Variants in C1QTNF3 observed in about 807,000 individuals in gnomAD.
C1QTNF3 encodes the protein C1q and TNF related 3.
In C1QTNF3, 26 loss-of-function variants were observed where a neutral mutation model predicts 32.6. The observed-to-expected ratio is 0.80, with a 90% CI of 0.58 to 1.11. The LOEUF is 1.11. Among genes scored for constraint, C1QTNF3 ranks in the 50% least tolerant of loss-of-function variants. The pLI is 0.00. For missense variants in C1QTNF3, 362 were observed against 398.2 expected (o/e 0.91, Z 0.77); for synonymous variants, 155 against 146.0 (o/e 1.06, Z -0.44).
chr5:34,089,483 C>T, the C1QTNF3 span, among the ~76,000 whole-genome samples: 2 of 152,160 alleles, frequency 1.3e-5, no homozygotes, highest in Admixed American at 6.5e-5. Context: ...CTGCCCCTTG[C>T]ATCATGGGTT....
At chr5:34,166,688 T>G in the C1QTNF3 span, 2 of 152,316 alleles carry the variant, frequency 1.3e-5, no homozygotes, top group Non-Finnish European at 2.9e-5. Flanking sequence ...GATTCCCATA[T>G]TTCCATCTAC....
the C1QTNF3 span, among the ~76,000 whole-genome samples, chr5:34,123,766 C>T: frequency 1.3e-5 from 2 of 152,048 alleles, no homozygotes; most frequent in Non-Finnish European, 2.9e-5. Flanking sequence ...ATACTAAACA[C>T]TTGTCTCCTT....
the C1QTNF3 span, among the ~76,000 whole-genome samples, chr5:34,174,190 T>C: frequency 6.6e-6 from 1 of 152,214 alleles, no homozygotes; most frequent in Non-Finnish European, 1.5e-5. Context: ...CCTGAGTAAC[T>C]GGGACTACAG....
chr5:34,187,532 A>G, the C1QTNF3 span, among the ~76,000 whole-genome samples: 2 of 152,344 alleles, frequency 1.3e-5, no homozygotes, highest in African/African-American at 4.8e-5. Flanking sequence ...AGGTGGTCTC[A>G]GAGGGAGATG....
the C1QTNF3 span, among the ~76,000 whole-genome samples, chr5:34,231,625 A>G: frequency 3.3e-5 from 5 of 152,322 alleles, no homozygotes; most frequent in African/African-American, 9.6e-5. Context: ...GCTTCAGAGA[A>G]TACAAGCCTC....
the C1QTNF3 span, among the ~76,000 whole-genome samples, chr5:34,104,796 CA>C: frequency 6.7e-6 from 1 of 148,874 alleles, no homozygotes; most frequent in African/African-American, 2.5e-5. Context: ...CTCTGCCTCC[CA>C]AAGTGCTGGG....
At chr5:34,028,304 C>T (rs571893822) in intron 4 of C1QTNF3, among the ~76,000 whole-genome samples, 1 of 152,068 alleles carries the variant, frequency 6.6e-6, no homozygotes, top group Non-Finnish European at 1.5e-5. Flanking sequence ...GTATTACCTG[C>T]TCAATTTCTT....
At chr5:34,174,438 T>C in the C1QTNF3 span, among the ~76,000 whole-genome samples, 2 of 152,110 alleles carry the variant, frequency 1.3e-5, no homozygotes, top group South Asian at 4.2e-4. Flanking sequence ...CCATTCATCC[T>C]AGGTGCCACG....
chr5:34,213,694 GTA>G, the C1QTNF3 span, among the ~76,000 whole-genome samples: 5 of 135,860 alleles, frequency 3.7e-5, no homozygotes, highest in Admixed American at 8.0e-5. Context: ...TTGTGTGTGT[GTA>G]TATATATATG....
At chr5:34,092,003 G>A in the C1QTNF3 span, among the ~76,000 whole-genome samples, 1 of 151,314 alleles carries the variant, frequency 6.6e-6, no homozygotes, top group African/African-American at 2.4e-5. Flanking sequence ...ATAGGTGATC[G>A]ATAGCCTAAT....
intron 4 of C1QTNF3, among the ~76,000 whole-genome samples, chr5:34,025,530 T>G (rs1313804855): frequency 6.6e-6 from 1 of 152,246 alleles, no homozygotes. Context: ...ACATTTGCAC[T>G]ACGGTTTGGA....
the C1QTNF3 span, among the ~76,000 whole-genome samples, chr5:34,061,141 G>T: frequency 2.0e-5 from 3 of 152,208 alleles, no homozygotes; most frequent in Admixed American, 1.3e-4. Flanking sequence ...CCAAAATCTA[G>T]CAGGGCAGTC....
the C1QTNF3 span, among the ~76,000 whole-genome samples, chr5:34,050,035 C>T: frequency 6.6e-6 from 1 of 152,188 alleles, no homozygotes; most frequent in Non-Finnish European, 1.5e-5. Context: ...AAATAAACAT[C>T]TCAGGAGAGT....
the C1QTNF3 span, among the ~76,000 whole-genome samples, chr5:34,164,248 A>G: frequency 1.3e-5 from 2 of 152,190 alleles, no homozygotes; most frequent in Admixed American, 6.5e-5. Flanking sequence ...TGAAATGGTT[A>G]GGAAGCAGAC....
At chr5:34,203,546 C>T in the C1QTNF3 span, among the ~76,000 whole-genome samples, 814 of 151,532 alleles carry the variant, frequency 5.4e-3, 5 homozygotes, top group Middle Eastern at 0.01. Flanking sequence ...ATTAGCCAGG[C>T]GTGGTGGCCG....
chr5:34,143,816 A>T, the C1QTNF3 span, among the ~76,000 whole-genome samples: 1 of 152,134 alleles, frequency 6.6e-6, no homozygotes, highest in Non-Finnish European at 1.5e-5. Context: ...GACACCTGCT[A>T]CTCCAAAAAC....
the C1QTNF3 span, among the ~76,000 whole-genome samples, chr5:34,097,422 T>A: frequency 6.7e-6 from 1 of 149,398 alleles, no homozygotes; most frequent in South Asian, 2.1e-4. Context: ...ATTTTTCTCA[T>A]GAGAATTTCA....
At chr5:34,114,018 T>C in the C1QTNF3 span, among the ~76,000 whole-genome samples, 80 of 152,334 alleles carry the variant, frequency 5.3e-4, no homozygotes, top group African/African-American at 1.5e-3. Flanking sequence ...TTCAGGGCCA[T>C]TGAAAAAATC....
chr5:34,108,306 T>C, the C1QTNF3 span, among the ~76,000 whole-genome samples: 1 of 152,170 alleles, frequency 6.6e-6, no homozygotes, highest in South Asian at 2.1e-4. Flanking sequence ...AAGAGTATTC[T>C]TCTATACACA....
Sources: allele counts gnomAD v4.1 joint callset (sites outside exome capture counted in the v4.1 genomes callset), GRCh38; gene constraint gnomAD v4.1.1; transcripts MANE v1.5; gene names NCBI Gene and HGNC (gene_info 2026-07-23, HGNC 2026-07-21).